IQSEC2: variants seen among roughly 807,000 people sequenced by gnomAD.
IQSEC2 encodes IQ motif and SEC7 domain-containing protein 2.
In IQSEC2, 6 loss-of-function variants were observed where a neutral mutation model predicts 74.6. That is an observed-to-expected ratio of 0.08 (90% CI 0.04 to 0.16). IQSEC2 has a LOEUF of 0.16. IQSEC2 is among the 10% of genes least tolerant of loss of function. The pLI is 1.00. For missense variants in IQSEC2, 734 were observed against 1,306.2 expected, an observed-to-expected ratio of 0.56 and a Z score of 6.75; for synonymous variants, 494 against 544.5, an observed-to-expected ratio of 0.91 and a Z score of 1.29.
downstream of IQSEC2, among the ~76,000 whole-genome samples, chrX:53,232,640 C>T (rs1366945352): frequency 1.8e-5 from 2 of 111,734 alleles, no homozygotes; most frequent in Non-Finnish European, 3.8e-5. Context: ...GTGAAAACCC[C>T]AGGATGTGAA....
chrX:53,289,080 C>G (rs911979480), intron 2 of IQSEC2, among the ~76,000 whole-genome samples: 1 of 111,047 alleles, frequency 9.0e-6, no homozygotes, highest in East Asian at 2.8e-4. Context: ...TCTACCGACT[C>G]TGCTCTCTCC....
chrX:53,317,180 C>T (rs2075385780), intron 1 of IQSEC2, among the ~76,000 whole-genome samples: 1 of 112,027 alleles, frequency 8.9e-6, no homozygotes, highest in Non-Finnish European at 1.9e-5. Flanking sequence ...TGGACAATTC[C>T]AGGTAAAAAG....
intron 1 of IQSEC2, among the ~76,000 whole-genome samples, chrX:53,316,440 G>A (rs1282549976): frequency 1.8e-5 from 2 of 111,318 alleles, no homozygotes; most frequent in East Asian, 5.6e-4. Context: ...TGTCTCACGT[G>A]CTGTCTCTCA....
At chrX:53,311,521 C>A (rs2075322196) in intron 1 of IQSEC2, among the ~76,000 whole-genome samples, 1 of 111,434 alleles carries the variant, frequency 9.0e-6, no homozygotes, top group Non-Finnish European at 1.9e-5. Flanking sequence ...TCCCTGGATA[C>A]CCTCCAATCT....
At chrX:53,299,768 T>C (rs1556875058) in intron 1 of IQSEC2, among the ~76,000 whole-genome samples, 1 of 110,636 alleles carries the variant, frequency 9.0e-6, no homozygotes, top group Non-Finnish European at 1.9e-5. Context: ...TTTTTTTTTT[T>C]AAGACAAGGT....
In IQSEC2 at chrX:53,234,762, C is replaced by T. The variant is rs1460397663; in HGVS notation, c.3924G>A (p.Pro1308=). 27 of 880,369 alleles carry T rather than the reference C, an allele frequency of 3.1e-5. No homozygotes were observed. Among genetic ancestry groups the T allele is most frequent in the Non-Finnish European group, 1.7e-5 (12 of 709,306 alleles). 72.6% of individuals were successfully genotyped at this position (880,369 alleles called of 1,213,427 possible). The change falls in exon 15 of 15, where the codon CCG becomes CCA. Residue 1308 remains proline, a synonymous_variant. Transcript: ENST00000642864. ...PPLPQLGSIP[P]PPASAPPVGP... The stretch of plus-strand genomic sequence containing the variant: ...CCACAGGTGGGGCTGAGGCGGGAGG[C>T]GGTGGAATGGAGCCCAGCTGGGGCA...
chrX:53,251,481 C>T (rs1556863684), intron 4 of IQSEC2, among the ~76,000 whole-genome samples: 1 of 111,494 alleles, frequency 9.0e-6, no homozygotes, highest in East Asian at 2.8e-4. Context: ...TTACCTCCTC[C>T]CTGATTCAAG....
intron 2 of IQSEC2, chrX:53,267,105 G>A: frequency 8.8e-7 from 1 of 1,133,491 alleles, no homozygotes; most frequent in Admixed American, 2.7e-5. Flanking sequence ...CAGGCGGTGG[G>A]TGACAGAGAG....
At chrX:53,302,811 C>A (rs1256573791) in intron 1 of IQSEC2, among the ~76,000 whole-genome samples, 1 of 111,104 alleles carries the variant, frequency 9.0e-6, no homozygotes, top group Non-Finnish European at 1.9e-5. Context: ...TTAGTGTGTG[C>A]CTATAGTCCC....
At chrX:53,273,648 G>A (rs2074776890) in intron 2 of IQSEC2, among the ~76,000 whole-genome samples, 1 of 112,220 alleles carries the variant, frequency 8.9e-6, no homozygotes, top group Non-Finnish European at 1.9e-5. Context: ...TGTTTTCACT[G>A]TTGTTATGGG....
downstream of IQSEC2, chrX:53,229,714 A>G (rs782753104): frequency 3.6e-5 from 4 of 111,688 alleles, no homozygotes; most frequent in Non-Finnish European, 7.5e-5. Flanking sequence ...AAAAAAAGAC[A>G]TATTGAAAGA....
chrX:53,279,445 C>G (rs1301284640), intron 2 of IQSEC2: 2 of 477,391 alleles, frequency 4.2e-6, no homozygotes, highest in Non-Finnish European at 7.5e-6. Flanking sequence ...TCCTCATACA[C>G]TCGGACACCC....
intron 2 of IQSEC2, among the ~76,000 whole-genome samples, chrX:53,275,479 A>ATGAGAC (rs1379997576): frequency 9.0e-6 from 1 of 111,302 alleles, no homozygotes; most frequent in Non-Finnish European, 1.9e-5. Context: ...TTGTTTTCAT[A>ATGAGAC]TGAGACAAGG....
intron 1 of IQSEC2, among the ~76,000 whole-genome samples, chrX:53,300,868 A>G (rs2075204500): frequency 9.0e-6 from 1 of 111,549 alleles, no homozygotes; most frequent in Admixed American, 9.6e-5. Context: ...GCCACTAAAA[A>G]TGATGGTTAT....
At chrX:53,266,071 T>C (rs868930939) in intron 2 of IQSEC2, among the ~76,000 whole-genome samples, 35 of 112,177 alleles carry the variant, frequency 3.1e-4, no homozygotes, top group African/African-American at 1.1e-3. Context: ...GGAAGAGTCA[T>C]TGGAGACCCT....
At position 53,321,242 on chromosome X, in the gene IQSEC2, G is replaced by C; in HGVS notation, c.-119C>G. 1 of 403,515 alleles carries C rather than the reference G, an allele frequency of 2.5e-6. No homozygotes were observed. The highest frequency in any genetic ancestry group is 4.1e-6 in the Non-Finnish European group (1 of 245,001). The allele number at this position is 403,515 out of a possible 1,213,427, so 33.3% of individuals were successfully genotyped here. A position where few individuals can be genotyped will look rare whatever the true frequency, so the allele number is the denominator to read the frequency against. On this transcript the variant is annotated 5_prime_UTR_variant, in exon 1 of 15. Transcript: ENST00000642864. ...CCGGCGGGACGCGAGGGCGCGCACCGGGCTTGAGGGCCCGGGGGCCCTAGG... is the reference window on the plus strand; with the variant it reads ...CCGGCGGGACGCGAGGGCGCGCACCCGGCTTGAGGGCCCGGGGGCCCTAGG...
downstream of IQSEC2, chrX:53,227,794 G>C (rs2074048760): frequency 5.0e-6 from 1 of 200,560 alleles, no homozygotes; most frequent in South Asian, 3.0e-4. Flanking sequence ...CAGGAGGCCA[G>C]ATTTTGGGTC....
chrX:53,300,454 A>G (rs2075200370), intron 1 of IQSEC2, among the ~76,000 whole-genome samples: 1 of 110,482 alleles, frequency 9.1e-6, no homozygotes, highest in South Asian at 3.9e-4. Context: ...TGACTCCATC[A>G]CAGCCCTGAT....
At chrX:53,311,935 A>G (rs1180697448) in intron 1 of IQSEC2, among the ~76,000 whole-genome samples, 1 of 111,214 alleles carries the variant, frequency 9.0e-6, no homozygotes, top group Non-Finnish European at 1.9e-5. Context: ...ATAAAAACAA[A>G]AACAACACAA....
Sources: gnomAD v4.1 joint callset for allele counts (sites outside exome capture counted in the v4.1 genomes callset) on GRCh38, gnomAD v4.1.1 for gene constraint, MANE v1.5 for transcripts, NCBI Gene and HGNC (gene_info 2026-07-23, HGNC 2026-07-21) for gene names.